The following TMOD1 variants were observed in gnomAD, a reference collection of about 807,000 sequenced individuals.
The protein encoded by TMOD1 is tropomodulin-1.
In TMOD1, 17 loss-of-function variants were observed where a neutral mutation model predicts 40.6. That is an observed-to-expected ratio of 0.42 (90% CI 0.29 to 0.63). The LOEUF (loss-of-function observed/expected upper bound fraction) is 0.63. Ranked by LOEUF, TMOD1 falls within the 20% of genes least tolerant of loss-of-function variation. The pLI is 0.22. For missense variants in TMOD1, 391 were observed against 447.6 expected, an observed-to-expected ratio of 0.87 and a Z score of 1.14; for synonymous variants, 181 against 175.0, an observed-to-expected ratio of 1.03 and a Z score of -0.27.
intron 9 of TMOD1, among the ~76,000 whole-genome samples, chr9:97,595,234 C>T (rs551061117): frequency 1.2e-4 from 18 of 152,230 alleles, no homozygotes; most frequent in South Asian, 4.1e-4. Flanking sequence ...GTGGTGAGAA[C>T]GTTTATTTTT....
At position 97,597,696 on chromosome 9, in the gene TMOD1, C is replaced by CAAAA. The variant is rs56273168; in HGVS notation, c.1016-1923_1016-1920dup. Among the ~76,000 whole-genome samples, 53 of 70,000 alleles carry CAAAA rather than the reference C, an allele frequency of 7.6e-4. 4 individuals are homozygous for CAAAA. The highest frequency in any genetic ancestry group is 2.9e-3 in the African/African-American group (44 of 14,958). 45.9% of individuals were successfully genotyped at this position (70,000 alleles called of 152,430 possible). ...CTGGCAACAGAGCAAGACTCCGTCTCAAAAAAAAAAAAAAAAAATAGGCAA... is the reference window on the plus strand; with the variant it reads ...CTGGCAACAGAGCAAGACTCCGTCTCAAAAAAAAAAAAAAAAAAAAAATAGGCAA... On this transcript the variant is annotated intron_variant, in intron 9 of 9. Coordinates refer to ENST00000259365, the MANE Select transcript of TMOD1 (RefSeq NM_003275.4).
chr9:97,551,637 A>T (rs1169173436), intron 3 of TMOD1, among the ~76,000 whole-genome samples: 1 of 152,156 alleles, frequency 6.6e-6, no homozygotes, highest in Non-Finnish European at 1.5e-5. Flanking sequence ...GAGTGCTCTA[A>T]CTTTGCTCTT....
At chr9:97,527,602 G>A (rs1420407669) in intron 2 of TMOD1, among the ~76,000 whole-genome samples, 1 of 152,040 alleles carries the variant, frequency 6.6e-6, no homozygotes, top group Non-Finnish European at 1.5e-5. Flanking sequence ...TTTCTGTGGA[G>A]GGTCAGATGC....
At chr9:97,531,041 C>A (rs1386323864) in intron 2 of TMOD1, among the ~76,000 whole-genome samples, 2 of 136,634 alleles carry the variant, frequency 1.5e-5, no homozygotes, top group Middle Eastern at 3.6e-3. Context: ...ACACCCACCC[C>A]CCCCACCACC....
At chr9:97,560,609 T>C (rs7872629) in intron 4 of TMOD1, among the ~76,000 whole-genome samples, 80,143 of 150,990 alleles carry the variant, frequency 0.53, 21,267 homozygotes, top group Middle Eastern at 0.62. Flanking sequence ...GGTGAAACCC[T>C]GTCTTTACTA....
chr9:97,503,318 C>T (rs973610509), intron 1 of TMOD1, among the ~76,000 whole-genome samples: 13 of 152,226 alleles, frequency 8.5e-5, no homozygotes, highest in African/African-American at 2.9e-4. Context: ...GAATCTGCTG[C>T]TGTTCTGGAC....
intron 4 of TMOD1, among the ~76,000 whole-genome samples, chr9:97,560,836 C>T (rs984620503): frequency 7.2e-5 from 11 of 151,970 alleles, no homozygotes; most frequent in Non-Finnish European, 1.6e-4. Flanking sequence ...GCACTCCAGC[C>T]TGGGCAACAG....
At chr9:97,589,464 A>G (rs1825955825) in intron 8 of TMOD1, among the ~76,000 whole-genome samples, 1 of 149,716 alleles carries the variant, frequency 6.7e-6, no homozygotes, top group Non-Finnish European at 1.5e-5. Flanking sequence ...TTTTTTTAGT[A>G]GAGACAGTGT....
chr9:97,555,537 C>A (rs192987502), intron 4 of TMOD1: 12 of 1,474,820 alleles, frequency 8.1e-6, no homozygotes. Flanking sequence ...TTATCTGTAA[C>A]GACGCAATAT....
chr9:97,581,789 T>C (rs1825761564), intron 8 of TMOD1, among the ~76,000 whole-genome samples: 1 of 152,054 alleles, frequency 6.6e-6, no homozygotes, highest in African/African-American at 2.4e-5. Context: ...TACATAAATG[T>C]CTTCTTTTGA....
chr9:97,523,888 C>T (rs1829955537), intron 1 of TMOD1, among the ~76,000 whole-genome samples: 1 of 152,212 alleles, frequency 6.6e-6, no homozygotes, highest in African/African-American at 2.4e-5. Flanking sequence ...TTTACAATTG[C>T]CCATTTACTT....
chr9:97,553,518 A>G (rs1830484533), intron 4 of TMOD1, 118 bp downstream of exon 4: 2 of 1,401,476 alleles, frequency 1.4e-6, no homozygotes, highest in Admixed American at 2.0e-5. Flanking sequence ...CAAGAACTAG[A>G]GGAGACCGAG....
intron 4 of TMOD1, chr9:97,555,589 A>G (rs1022800357): frequency 1.9e-6 from 3 of 1,548,364 alleles, no homozygotes; most frequent in Middle Eastern, 1.7e-4. Context: ...GTAAGTCTAC[A>G]CCAGTGTTAA....
intron 7 of TMOD1, among the ~76,000 whole-genome samples, chr9:97,568,501 G>C (rs1830767514): frequency 6.6e-6 from 1 of 152,162 alleles, no homozygotes; most frequent in African/African-American, 2.4e-5. Flanking sequence ...CTCGAAAGAT[G>C]GGTAGAGCTT....
intron 1 of TMOD1, chr9:97,512,845 GT>G (rs1564227507): frequency 1.3e-5 from 2 of 152,052 alleles, no homozygotes; most frequent in Admixed American, 6.6e-5. Flanking sequence ...GGCTGGAAAT[GT>G]TTAGTATCTT....
In TMOD1 at chr9:97,557,161, C is replaced by T. The variant is rs1347379217; in HGVS notation, c.397+3761C>T. 6.6e-6 allele frequency among the ~76,000 whole-genome samples: 1 copy of T among 151,902 alleles called. No individual in the cohort carries two copies. Among genetic ancestry groups the T allele is most frequent in the African/African-American group, 2.4e-5 (1 of 41,370 alleles). On this transcript the variant is annotated intron_variant, in intron 4 of 9. Coordinates refer to ENST00000259365, the MANE Select transcript of TMOD1 (RefSeq NM_003275.4). This position sits in a 1 kb window ranked among gnomAD's most constrained non-coding sequence, Gnocchi z 4.4. ...CGAGAAACATGTATTTTTTTTTTAACCTTAAAATCTTTTATCACTTCAACA... is the reference window on the plus strand; with the variant it reads ...CGAGAAACATGTATTTTTTTTTTAATCTTAAAATCTTTTATCACTTCAACA...
At chr9:97,544,572 A>G (rs1206592435) in intron 2 of TMOD1, among the ~76,000 whole-genome samples, 8 of 152,004 alleles carry the variant, frequency 5.3e-5, no homozygotes, top group Non-Finnish European at 1.0e-4. Context: ...AAGATTCCTT[A>G]AACAGTAGTA....
chr9:97,600,152 T>C lies in TMOD1; in HGVS notation c.*454T>C. 1 of 1,001,510 alleles carries C rather than the reference T, an allele frequency of 1.0e-6. No homozygotes were observed. Among genetic ancestry groups the C allele is most frequent in the Non-Finnish European group, 1.2e-6 (1 of 837,902 alleles). 62.0% of individuals were successfully genotyped at this position (1,001,510 alleles called of 1,614,324 possible). A position where few individuals can be genotyped will look rare whatever the true frequency, so the allele number is the denominator to read the frequency against. On this transcript the variant is annotated 3_prime_UTR_variant, in exon 10 of 10. Coordinates refer to ENST00000259365, the MANE Select transcript of TMOD1 (RefSeq NM_003275.4). ...ATTAGCAAATAAAACTGATTATCAT[T>C]CTTTATTAACCCTCCTTGGAATTTT...
rs1249946353 is a variant in TMOD1 at position 97,524,133 on chromosome 9, T to C, written c.-48-8T>C. 1.9e-6 allele frequency: 3 copies of C among 1,574,782 alleles called. No homozygotes were observed. The highest frequency in any genetic ancestry group is 1.9e-5 in the Admixed American group (1 of 52,962). On this transcript the variant is annotated splice_polypyrimidine_tract_variant and splice_region_variant and intron_variant, in intron 1 of 9. Coordinates refer to ENST00000259365, the MANE Select transcript of TMOD1 (RefSeq NM_003275.4). ...CGGGTCTTTCTAAGGTTCTTGTCTT[T>C]CTGGTAGGTATTACTCAGCACAGAA...
Sources: gnomAD v4.1 joint callset for allele counts (sites outside exome capture counted in the v4.1 genomes callset) on GRCh38, gnomAD v4.1.1 for gene constraint, Gnocchi (gnomAD v3.1) non-coding constraint, MANE v1.5 for transcripts, NCBI Gene and HGNC (gene_info 2026-07-23, HGNC 2026-07-21) for gene names.